NEBL: variants seen among roughly 807,000 people sequenced by gnomAD.
NEBL encodes the protein nebulette, also known as LIM and SH3 protein 2.
Under a neutral mutation model 140.2 loss-of-function variants are expected in NEBL, and 122 were observed. That is an observed-to-expected ratio of 0.87 (90% CI 0.75 to 1.01). The LOEUF (loss-of-function observed/expected upper bound fraction) is 1.01. Among genes scored for constraint, NEBL ranks in the 50% least tolerant of loss-of-function variants. The probability of loss-of-function intolerance (pLI) is 0.00; values close to 1 mark genes in which losing one functional copy is unlikely to be tolerated. For synonymous variants in NEBL, 436 were observed against 398.9 expected (o/e 1.09, Z -1.11); for missense variants, 1,365 against 1,231.3 (o/e 1.11, Z -1.62).
intron 4 of NEBL, among the ~76,000 whole-genome samples, chr10:20,932,585 T>A (rs1834246727): frequency 6.6e-6 from 1 of 152,322 alleles, no homozygotes; most frequent in African/African-American, 2.4e-5. Flanking sequence ...GAACTTAAAG[T>A]AAAATTTTTT....
rs192163788 is a variant in NEBL at position 20,882,330 on chromosome 10, G to A, written c.370-1426C>T. On this transcript the variant is annotated intron_variant, in intron 4 of 27. Coordinates refer to ENST00000377122, the MANE Select transcript of NEBL (RefSeq NM_006393.3). ...AGGAGAAAAGAAAGAAGAGGGGAGA[G>A]GAGAGAGGAAAAGGAAAAGGGGAAG... Among the ~76,000 whole-genome samples the A allele has an allele frequency of 8.6e-3, 1,286 of 148,684 alleles. 21 individuals are homozygous for A. The highest frequency in any genetic ancestry group is 0.03 in the African/African-American group (1,217 of 40,378).
At chr10:21,072,481 C>G (rs1835862098) in intron 2 of NEBL, among the ~76,000 whole-genome samples, 1 of 152,152 alleles carries the variant, frequency 6.6e-6, no homozygotes, top group South Asian at 2.1e-4. Flanking sequence ...CAGGAGCCAC[C>G]AACAAAATCT....
chr10:20,954,840 G>A (rs1835705854), intron 4 of NEBL, among the ~76,000 whole-genome samples: 1 of 152,216 alleles, frequency 6.6e-6, no homozygotes, highest in Non-Finnish European at 1.5e-5. Context: ...CTCTGAGCCA[G>A]TGTGGATGGG....
At position 20,817,604 on chromosome 10, in the gene NEBL, C is replaced by T. The variant is rs150676143; in HGVS notation, c.2144G>A (p.Ser715Asn). ...AAGTTACTAAGATGATCACACATTG[C>T]TGATGTTTTTCTGGTTTTCTTTTGC... is the stretch of plus-strand genomic sequence containing the variant. ...KRAKENQKNI[S>N]NVYYRGQLGR... Residue 715 changes from serine to asparagine, a missense_variant, in exon 21 of 28, where the codon AGC becomes AAC. Ser to Asn is a conservative substitution (Grantham distance 46). Transcript: ENST00000377122. 4.3e-6 allele frequency: 7 copies of T among 1,609,776 alleles called. No homozygotes were observed. The African/African-American group carries it at 8.0e-5, about 18-fold the overall frequency.
chr10:21,247,219 G>A (rs1334998971), intron 3 of NEBL, among the ~76,000 whole-genome samples: 1 of 152,178 alleles, frequency 6.6e-6, no homozygotes, highest in East Asian at 1.9e-4. Context: ...CAGTCTCACA[G>A]TTATTTATAG....
chr10:21,214,761 A>G (rs1242595184), intron 3 of NEBL, among the ~76,000 whole-genome samples: 2 of 152,230 alleles, frequency 1.3e-5, no homozygotes, highest in African/African-American at 4.8e-5. Context: ...GTAAAAAGGG[A>G]AAAAATGGAA....
At chr10:20,841,339 T>C (rs1448275961) in intron 12 of NEBL, 2 of 166,294 alleles carry the variant, frequency 1.2e-5, no homozygotes, top group Non-Finnish European at 2.6e-5. Flanking sequence ...ATTCCAAAAT[T>C]ATAAGCAGCC....
At chr10:20,896,925 C>A (rs542786174) in intron 2 of NEBL, 33 bp downstream of exon 2, 1 of 1,588,620 alleles carries the variant, frequency 6.3e-7, no homozygotes, top group African/African-American at 1.3e-5. Flanking sequence ...AGGTGCAATG[C>A]AAAATAAGAC....
rs1841170099 is a variant in NEBL, at chr10:21,173,395, G to A, written c.69+370C>T. 7.2e-6 allele frequency among the ~76,000 whole-genome samples: 1 copy of A among 139,472 alleles called. No individual in the cohort carries two copies. The highest frequency in any genetic ancestry group is 1.6e-5 in the Non-Finnish European group (1 of 63,428). The allele number at this position is 139,472 out of a possible 152,430, so 91.5% of individuals were successfully genotyped here. On this transcript the variant is annotated intron_variant, in intron 1 of 6. Transcript: ENST00000417816. This position sits in a 1 kb window ranked among gnomAD's most constrained non-coding sequence, Gnocchi z 5.7. ...CGCGGGCGGATCTGTGGGGCGGGGG[G>A]CGGGGGTATTGTGGAACACGAGTGG...
intron 2 of NEBL, among the ~76,000 whole-genome samples, chr10:21,059,527 T>C (rs919446706): frequency 3.3e-5 from 5 of 152,222 alleles, no homozygotes; most frequent in African/African-American, 1.2e-4. Context: ...CTCTTGAATA[T>C]ACAACGTTAA....
chr10:20,798,500 T>C (rs931750447), intron 26 of NEBL, among the ~76,000 whole-genome samples: 2 of 152,220 alleles, frequency 1.3e-5, no homozygotes, highest in Non-Finnish European at 2.9e-5. Flanking sequence ...ATGATCCAAC[T>C]TGGATATTGA....
intron 2 of NEBL, among the ~76,000 whole-genome samples, chr10:21,250,004 C>T (rs1232381321): frequency 6.6e-6 from 1 of 151,918 alleles, no homozygotes; most frequent in African/African-American, 2.4e-5. Context: ...GCAGAGGTTG[C>T]AATGAGCCAA....
chr10:21,118,113 C>T (rs1161868090), intron 2 of NEBL, among the ~76,000 whole-genome samples: 1 of 152,044 alleles, frequency 6.6e-6, no homozygotes, highest in African/African-American at 2.4e-5. Context: ...GTGCAGCACC[C>T]CACAGCCACT....
At chr10:21,008,085 C>T (rs779626122) in intron 3 of NEBL, among the ~76,000 whole-genome samples, 19 of 152,056 alleles carry the variant, frequency 1.2e-4, no homozygotes, top group African/African-American at 1.9e-4. Context: ...AAGACTTTCC[C>T]GAACATTGTC....
chr10:21,269,331 A>G (rs964034134), intron 1 of NEBL, among the ~76,000 whole-genome samples: 3 of 152,220 alleles, frequency 2.0e-5, no homozygotes, highest in African/African-American at 7.2e-5. Flanking sequence ...GTGCAAATGA[A>G]CATGCCTGTC....
chr10:20,997,511 A>AAAAC (rs1837721312), intron 3 of NEBL, among the ~76,000 whole-genome samples: 1 of 133,476 alleles, frequency 7.5e-6, no homozygotes, highest in African/African-American at 3.0e-5. Context: ...AAAAAAAAAA[A>AAAAC]AAACAGAACT....
chr10:21,264,920 CTTTTA>C (rs1364818163), intron 1 of NEBL, among the ~76,000 whole-genome samples: 10 of 151,378 alleles, frequency 6.6e-5, no homozygotes, highest in African/African-American at 1.5e-4. Context: ...TGCTGAGCCT[CTTTTA>C]TTTTATTTTA....
At chr10:21,046,177 A>T (rs1310288025) in intron 2 of NEBL, among the ~76,000 whole-genome samples, 1 of 152,222 alleles carries the variant, frequency 6.6e-6, no homozygotes, top group African/African-American at 2.4e-5. Context: ...AATCTAAAAA[A>T]GTTGAACTCA....
intron 14 of NEBL, among the ~76,000 whole-genome samples, chr10:20,832,091 G>C (rs1320414320): frequency 6.6e-6 from 1 of 152,012 alleles, no homozygotes; most frequent in African/African-American, 2.4e-5. Context: ...ACTTAGCTGG[G>C]CTTAAATAAA....
Sources: allele counts gnomAD v4.1 joint callset (sites outside exome capture counted in the v4.1 genomes callset), GRCh38; gene constraint gnomAD v4.1.1; non-coding constraint Gnocchi (gnomAD v3.1); transcripts MANE v1.5; gene names NCBI Gene and HGNC (gene_info 2026-07-23, HGNC 2026-07-21).